The following AFG1L variants were observed in gnomAD, a reference collection of about 807,000 sequenced individuals.
AFG1L encodes the protein AFG1 like ATPase, also known as AFG1-like ATPase.
In AFG1L, 53 loss-of-function variants were observed where a neutral mutation model predicts 62.2. That is an observed-to-expected ratio of 0.85 (90% CI 0.68 to 1.07). AFG1L has a LOEUF of 1.07. Among genes scored for constraint, AFG1L ranks in the 50% least tolerant of loss-of-function variants. The pLI, the probability that AFG1L is intolerant of heterozygous loss-of-function variation, is 0.00. For missense variants in AFG1L, 555 were observed against 590.5 expected, an observed-to-expected ratio of 0.94 and a Z score of 0.62; for synonymous variants, 228 against 210.3, an observed-to-expected ratio of 1.08 and a Z score of -0.73.
chr6:108,506,001 C>T (rs555635467), intron 10 of AFG1L, among the ~76,000 whole-genome samples: 17 of 152,124 alleles, frequency 1.1e-4, no homozygotes, highest in Admixed American at 2.6e-4. Context: ...GGAAAAATTG[C>T]GAAAATTAAG....
chr6:108,301,711 A>G (rs1487370953), intron 1 of AFG1L, among the ~76,000 whole-genome samples: 2 of 152,232 alleles, frequency 1.3e-5, no homozygotes, highest in Non-Finnish European at 2.9e-5. Flanking sequence ...AATTATCCCA[A>G]GTAAATGAAC....
intron 1 of AFG1L, among the ~76,000 whole-genome samples, chr6:108,318,646 G>T (rs1448816386): frequency 6.6e-6 from 1 of 152,168 alleles, no homozygotes; most frequent in African/African-American, 2.4e-5. Flanking sequence ...GGGCTGTGGA[G>T]TATAGTAGGA....
intron 6 of AFG1L, among the ~76,000 whole-genome samples, chr6:108,389,411 C>T (rs1033798156): frequency 1.7e-4 from 26 of 152,226 alleles, no homozygotes; most frequent in Non-Finnish European, 3.2e-4. Context: ...TGAATTTGAT[C>T]CCGTCATTAT....
At chr6:108,407,279 T>C (rs1002307421) in intron 7 of AFG1L, among the ~76,000 whole-genome samples, 2 of 152,300 alleles carry the variant, frequency 1.3e-5, no homozygotes, top group Admixed American at 6.5e-5. Flanking sequence ...TAAGTTGCCC[T>C]TTTCCTGCTC....
At chr6:108,440,349 A>G (rs1462968041) in intron 7 of AFG1L, among the ~76,000 whole-genome samples, 1 of 151,616 alleles carries the variant, frequency 6.6e-6, no homozygotes, top group African/African-American at 2.4e-5. Flanking sequence ...TTGTATTTTT[A>G]GTAGAGATGG....
intron 8 of AFG1L, among the ~76,000 whole-genome samples, chr6:108,458,762 G>C (rs990570856): frequency 2.0e-5 from 3 of 151,876 alleles, no homozygotes; most frequent in Admixed American, 6.6e-5. Context: ...CTATTGATAA[G>C]TTTTTGTCCT....
At chr6:108,330,292 C>T (rs1197456725) in intron 2 of AFG1L, among the ~76,000 whole-genome samples, 1 of 150,636 alleles carries the variant, frequency 6.6e-6, no homozygotes, top group Admixed American at 6.7e-5. Flanking sequence ...TCTCTTGCCT[C>T]AGCTTCCTGA....
At chr6:108,383,604 T>C (rs1434942830) in intron 6 of AFG1L, among the ~76,000 whole-genome samples, 3 of 151,746 alleles carry the variant, frequency 2.0e-5, no homozygotes, top group Non-Finnish European at 4.4e-5. Flanking sequence ...AATACAGAAA[T>C]AGAATAATAG....
chr6:108,448,684 G>T (rs917735869), intron 8 of AFG1L, among the ~76,000 whole-genome samples: 1 of 152,086 alleles, frequency 6.6e-6, no homozygotes, highest in Non-Finnish European at 1.5e-5. Context: ...GACTTACCCT[G>T]TGTTACCCCT....
chr6:108,319,914 T>G (rs1245703972), intron 1 of AFG1L: 1 of 183,516 alleles, frequency 5.4e-6, no homozygotes, highest in Non-Finnish European at 1.2e-5. Flanking sequence ...TCCTCTGAAG[T>G]GAGGCTGTTG....
At chr6:108,457,291 A>AT (rs566643652) in intron 8 of AFG1L, among the ~76,000 whole-genome samples, 3 of 151,592 alleles carry the variant, frequency 2.0e-5, no homozygotes, top group Non-Finnish European at 4.4e-5. Flanking sequence ...CATATTAGTT[A>AT]TTTTTTTAAG....
chr6:108,422,203 A>G (rs970275142), intron 7 of AFG1L, among the ~76,000 whole-genome samples: 2 of 152,044 alleles, frequency 1.3e-5, no homozygotes, highest in Non-Finnish European at 2.9e-5. Flanking sequence ...AGGCATAGTT[A>G]AAACATAGGT....
At chr6:108,308,208 G>A (rs779183553) in intron 1 of AFG1L, among the ~76,000 whole-genome samples, 2 of 152,086 alleles carry the variant, frequency 1.3e-5, no homozygotes, top group Non-Finnish European at 2.9e-5. Flanking sequence ...GGAGTGCAGT[G>A]GTACAATCAT....
At chr6:108,505,435 G>T (rs764233022) in intron 10 of AFG1L, among the ~76,000 whole-genome samples, 4 of 151,980 alleles carry the variant, frequency 2.6e-5, no homozygotes, top group Non-Finnish European at 4.4e-5. Context: ...TAAAATCCAG[G>T]ATGTACAAAG....
intron 8 of AFG1L, among the ~76,000 whole-genome samples, chr6:108,471,936 T>G (rs764818049): frequency 6.6e-6 from 1 of 152,192 alleles, no homozygotes; most frequent in Non-Finnish European, 1.5e-5. Flanking sequence ...TTAAAAAGTA[T>G]CTAAGGACGC....
At position 108,323,921 on chromosome 6, in the gene AFG1L, A is replaced by T. The variant is rs371586428; in HGVS notation, c.236A>T (p.Tyr79Phe). Residue 79 changes from tyrosine to phenylalanine, a missense_variant, in exon 2 of 13, where the codon TAT (tyrosine) becomes TTT (phenylalanine). Transcript: ENST00000368977. ...LAVCHGPLDH[Y>F]DFLIKAHELK... ...GTTTGCCATGGACCTCTGGACCACT[A>T]TGATTTTCTGATCAAAGCTCATGAG... is the stretch of plus-strand genomic sequence containing the variant. 1.2e-6 allele frequency: 2 copies of T among 1,614,068 alleles called. No individual in the cohort carries two copies. The highest frequency in any genetic ancestry group is 2.7e-5 in the African/African-American group (2 of 74,940).
chr6:108,438,557 A>G (rs1175864765), intron 7 of AFG1L, among the ~76,000 whole-genome samples: 1 of 151,602 alleles, frequency 6.6e-6, no homozygotes, highest in Non-Finnish European at 1.5e-5. Context: ...TTTTTTTTTT[A>G]AGTTACCTCT....
At chr6:108,510,457 C>A in intron 11 of AFG1L, 105 bp downstream of exon 11, 2 of 773,652 alleles carry the variant, frequency 2.6e-6, no homozygotes, top group Non-Finnish European at 2.0e-6. Flanking sequence ...CTTACTGCAC[C>A]TCTTTGTGCC....
rs555942182 is a variant in AFG1L at position 108,335,138 on chromosome 6, C to A, written c.363+11090C>A. On this transcript the variant is annotated intron_variant, in intron 2 of 12. Coordinates refer to ENST00000368977, the MANE Select transcript of AFG1L (RefSeq NM_145315.5). The stretch of plus-strand genomic sequence containing the variant: ...CCTCCGAAGCAGCTGGGATTATAGG[C>A]GTTTGCCACTGTGCTTGGCTAATTT... Among the ~76,000 whole-genome samples, 3 of 151,970 alleles carry A rather than the reference C, an allele frequency of 2.0e-5. No individual in the cohort carries two copies. In the South Asian group the frequency reaches 6.2e-4, roughly 32 times the overall value.
Sources: gnomAD v4.1 joint callset for allele counts (sites outside exome capture counted in the v4.1 genomes callset) on GRCh38, gnomAD v4.1.1 for gene constraint, MANE v1.5 for transcripts, NCBI Gene and HGNC (gene_info 2026-07-23, HGNC 2026-07-21) for gene names.